ITGB5: variants seen among roughly 807,000 people sequenced by gnomAD.
The protein encoded by ITGB5 is integrin beta-5.
A neutral mutation model predicts 84.8 loss-of-function variants in ITGB5; 38 were observed. That is an observed-to-expected ratio of 0.45 (90% confidence interval 0.35 to 0.59). The LOEUF is 0.59. Ranked by LOEUF, ITGB5 falls within the 20% of genes least tolerant of loss-of-function variation. The pLI, the probability that ITGB5 is intolerant of heterozygous loss-of-function variation, is 0.01. For missense variants in ITGB5, 905 were observed against 1,034.5 expected, an observed-to-expected ratio of 0.87 and a Z score of 1.72; for synonymous variants, 393 against 414.4, an observed-to-expected ratio of 0.95 and a Z score of 0.63.
At chr3:124,835,795 T>C (rs2064926684) in intron 5 of ITGB5, among the ~76,000 whole-genome samples, 1 of 151,910 alleles carries the variant, frequency 6.6e-6, no homozygotes, top group African/African-American at 2.4e-5. Flanking sequence ...AGAAAGCGAG[T>C]CAATTCTGCA....
chr3:124,884,672 A>G (rs1934723540), intron 1 of ITGB5, among the ~76,000 whole-genome samples: 1 of 152,146 alleles, frequency 6.6e-6, no homozygotes, highest in African/African-American at 2.4e-5. Context: ...CCTGGGCAAC[A>G]AGAGTGAGAC....
intron 4 of ITGB5, among the ~76,000 whole-genome samples, chr3:124,845,773 T>C (rs912293723): frequency 5.9e-5 from 9 of 152,206 alleles, no homozygotes; most frequent in African/African-American, 1.9e-4. Context: ...CCTATCTGTC[T>C]GGAGACAGGG....
intron 1 of ITGB5, among the ~76,000 whole-genome samples, chr3:124,886,631 C>T (rs1934822208): frequency 6.6e-6 from 1 of 152,010 alleles, no homozygotes; most frequent in South Asian, 2.1e-4. Flanking sequence ...GGCGGCGGTC[C>T]TCCCCGTGCC....
chr3:124,823,851 G>A (rs2064744508), intron 5 of ITGB5, among the ~76,000 whole-genome samples: 1 of 152,026 alleles, frequency 6.6e-6, no homozygotes, highest in Non-Finnish European at 1.5e-5. Flanking sequence ...ATCCAAAAGG[G>A]CACAGCCATG....
upstream of ITGB5, among the ~76,000 whole-genome samples, chr3:124,892,676 C>T (rs990989864): frequency 1.6e-4 from 18 of 111,694 alleles, no homozygotes; most frequent in African/African-American, 6.5e-4. Flanking sequence ...GCCTGGGTGA[C>T]AGAGGGAGAC....
At chr3:124,785,472 C>A (rs1223218492) in intron 10 of ITGB5, among the ~76,000 whole-genome samples, 1 of 151,830 alleles carries the variant, frequency 6.6e-6, no homozygotes, top group African/African-American at 2.4e-5. Flanking sequence ...GTAATCCCAG[C>A]TACTCAGGTG....
At chr3:124,811,430 T>C (rs2064499985) in intron 8 of ITGB5, among the ~76,000 whole-genome samples, 2 of 152,044 alleles carry the variant, frequency 1.3e-5, no homozygotes, top group Admixed American at 1.3e-4. Flanking sequence ...TAAAACAGTA[T>C]TGTAAAAGAG....
intron 3 of ITGB5, among the ~76,000 whole-genome samples, chr3:124,856,123 C>T (rs919500673): frequency 4.6e-5 from 7 of 152,014 alleles, no homozygotes; most frequent in African/African-American, 9.7e-5. Context: ...TGACCTCAAT[C>T]GATCCTCTCT....
At chr3:124,776,118 G>C (rs866480497) in intron 10 of ITGB5, among the ~76,000 whole-genome samples, 1 of 149,236 alleles carries the variant, frequency 6.7e-6, no homozygotes, top group African/African-American at 2.5e-5. Context: ...GTGTAGATGC[G>C]GGCGTGTGAG....
intron 5 of ITGB5, among the ~76,000 whole-genome samples, chr3:124,824,677 T>G (rs192131241): frequency 1.3e-5 from 2 of 152,270 alleles, no homozygotes; most frequent in African/African-American, 4.8e-5. Flanking sequence ...AGAACTGTCA[T>G]TAGTCACTAA....
At chr3:124,775,192 G>C (rs2063906025) in intron 10 of ITGB5, among the ~76,000 whole-genome samples, 1 of 152,214 alleles carries the variant, frequency 6.6e-6, no homozygotes. Flanking sequence ...CGGCTCAGAG[G>C]AATGTGTGTG....
intron 1 of ITGB5, among the ~76,000 whole-genome samples, chr3:124,895,302 C>G (rs552845491): frequency 6.6e-6 from 1 of 152,230 alleles, no homozygotes; most frequent in Non-Finnish European, 1.5e-5. Context: ...TCATAGCTCA[C>G]TACAGCCTCA....
At chr3:124,815,168 C>T (rs1224139450) in intron 8 of ITGB5, among the ~76,000 whole-genome samples, 10 of 152,346 alleles carry the variant, frequency 6.6e-5, no homozygotes, top group South Asian at 2.1e-4. Flanking sequence ...TGGTTTTCAG[C>T]GGTCCCAGCA....
chr3:124,892,253 C>A (rs1386220701), upstream of ITGB5, among the ~76,000 whole-genome samples: 1 of 151,892 alleles, frequency 6.6e-6, no homozygotes, highest in Non-Finnish European at 1.5e-5. Flanking sequence ...CTCGGCTTCC[C>A]AAAGTGCTGG....
At chr3:124,822,181 AT>A (rs969166782) in intron 5 of ITGB5, among the ~76,000 whole-genome samples, 2 of 152,138 alleles carry the variant, frequency 1.3e-5, no homozygotes, top group Non-Finnish European at 2.9e-5. Flanking sequence ...AGGACTCTAC[AT>A]TTTTCATACT....
chr3:124,876,540 ACCC>A (rs1208453880), intron 1 of ITGB5, among the ~76,000 whole-genome samples: 10 of 152,232 alleles, frequency 6.6e-5, no homozygotes, highest in Non-Finnish European at 1.3e-4. Context: ...TTATCATGTC[ACCC>A]CAGGGACTTT....
At chr3:124,887,479 G>C (rs951978124), upstream of ITGB5, 1 of 164,620 alleles carries the variant, frequency 6.1e-6, no homozygotes, top group African/African-American at 2.4e-5. Flanking sequence ...GCCGCCACAC[G>C]GTCAGCTTAC....
At chr3:124,783,278 G>A (rs1047913725) in intron 10 of ITGB5, among the ~76,000 whole-genome samples, 12 of 131,516 alleles carry the variant, frequency 9.1e-5, no homozygotes, top group African/African-American at 3.1e-4. Flanking sequence ...GCAACAGAGC[G>A]AGACTCCGTC....
intron 10 of ITGB5, among the ~76,000 whole-genome samples, chr3:124,780,174 C>T (rs183319929): frequency 9.7e-4 from 130 of 133,458 alleles, no homozygotes; most frequent in Admixed American, 1.7e-3. Context: ...CTCAGCAGGG[C>T]CTCTGAGGCA....
Sources: allele counts gnomAD v4.1 joint callset (sites outside exome capture counted in the v4.1 genomes callset), GRCh38; gene constraint gnomAD v4.1.1; transcripts MANE v1.5; gene names NCBI Gene and HGNC (gene_info 2026-07-23, HGNC 2026-07-21).